ZNF277: variants seen among roughly 807,000 people sequenced by gnomAD.
ZNF277 encodes the protein zinc finger protein 277.
A neutral mutation model predicts 60.7 loss-of-function variants in ZNF277; 55 were observed. The ratio of observed to expected loss-of-function variants is 0.91; its 90% CI spans 0.73 to 1.13. The LOEUF (loss-of-function observed/expected upper bound fraction) is 1.13, where lower values mean the gene tolerates loss of function less well. Ranked by LOEUF, ZNF277 falls within the 50% of genes most tolerant of loss-of-function variation. The pLI, the probability that ZNF277 is intolerant of heterozygous loss-of-function variation, is 0.00. For missense variants in ZNF277, 510 were observed against 523.0 expected, an observed-to-expected ratio of 0.98 and a Z score of 0.24; for synonymous variants, 178 against 179.3, an observed-to-expected ratio of 0.99 and a Z score of 0.06.
intron 4 of ZNF277, among the ~76,000 whole-genome samples, chr7:112,308,534 A>T (rs1417106777): frequency 6.6e-6 from 1 of 152,032 alleles, no homozygotes; most frequent in African/African-American, 2.4e-5. Flanking sequence ...AATTGAAAAA[A>T]TTATGATCAT....
At chr7:112,259,809 T>A (rs745412754) in intron 1 of ZNF277, among the ~76,000 whole-genome samples, 7 of 152,120 alleles carry the variant, frequency 4.6e-5, no homozygotes, top group Non-Finnish European at 7.4e-5. Context: ...AGCATGCTCT[T>A]TCTAGAAAGG....
chr7:112,318,112 C>T, intron 4 of ZNF277, 70 bp from the exon 5 acceptor site: 1 of 1,324,472 alleles, frequency 7.6e-7, no homozygotes, highest in Non-Finnish European at 1.1e-6. Flanking sequence ...TCCTCCCATC[C>T]AGACTTTGAC....
Position 112,243,483 on chromosome 7 carries a change from G to GA in ZNF277, c.91+36688dup, listed in dbSNP as rs570341286. ...ACAAGGAACTCAAACAACTAAACAAGAAAAAAAAAAAACAACCCCATTAAA... is the reference window on the plus strand; with the variant it reads ...ACAAGGAACTCAAACAACTAAACAAGAAAAAAAAAAAAACAACCCCATTAAA... On this transcript the variant is annotated intron_variant, in intron 1 of 11. Coordinates refer to ENST00000361822, the MANE Select transcript of ZNF277 (RefSeq NM_021994.3). 7.0e-3 allele frequency among the ~76,000 whole-genome samples: 707 copies of GA among 100,960 alleles called. 3 individuals carry two copies. The highest frequency in any genetic ancestry group is 0.01 in the Non-Finnish European group (479 of 46,844). 66.2% of individuals were successfully genotyped at this position (100,960 alleles called of 152,430 possible). A position where few individuals can be genotyped will look rare whatever the true frequency, so the allele number is the denominator to read the frequency against.
intron 1 of ZNF277, among the ~76,000 whole-genome samples, chr7:112,226,217 ACTGT>A (rs1390738106): frequency 1.3e-5 from 2 of 152,194 alleles, no homozygotes; most frequent in Non-Finnish European, 2.9e-5. Context: ...AATAGTAATC[ACTGT>A]CGTTCATCTT....
chr7:112,278,351 C>A (rs1215995515), intron 1 of ZNF277, among the ~76,000 whole-genome samples: 1 of 152,112 alleles, frequency 6.6e-6, no homozygotes, highest in Non-Finnish European at 1.5e-5. Context: ...TGATTTAATT[C>A]TTTAAATCTG....
At chr7:112,246,834 G>A (rs1342074638) in intron 1 of ZNF277, among the ~76,000 whole-genome samples, 1 of 152,136 alleles carries the variant, frequency 6.6e-6, no homozygotes, top group Non-Finnish European at 1.5e-5. Context: ...TATTAGAAAG[G>A]CAGAGCAAAC....
At chr7:112,244,419 A>G (rs1791032954) in intron 1 of ZNF277, among the ~76,000 whole-genome samples, 1 of 152,120 alleles carries the variant, frequency 6.6e-6, no homozygotes, top group East Asian at 1.9e-4. Flanking sequence ...TCTCCCTTCT[A>G]GGTTCTCTGC....
intron 9 of ZNF277, 76 bp from the exon 10 acceptor site, chr7:112,339,767 G>T: frequency 7.0e-7 from 1 of 1,432,224 alleles, no homozygotes; most frequent in South Asian, 1.2e-5. Flanking sequence ...AAACTCCTGT[G>T]AATAAGTTGT....
rs118172265 is a variant in ZNF277 at position 112,293,796 on chromosome 7, A to G, written c.294-2073A>G. On this transcript the variant is annotated intron_variant, in intron 2 of 11. Transcript: ENST00000361822. ...TGGAACTAATTATATAGGGCTGACCACTAGTCTCCGTTTTGTCTAGAGGAT... is the reference window on the plus strand; with the variant it reads ...TGGAACTAATTATATAGGGCTGACCGCTAGTCTCCGTTTTGTCTAGAGGAT... Among the ~76,000 whole-genome samples the G allele has an allele frequency of 9.6e-3, 1,463 of 152,208 alleles. 8 individuals are homozygous for G. The highest frequency in any genetic ancestry group is 0.015 in the Non-Finnish European group (1,017 of 68,000).
chr7:112,302,242 A>G (rs1792493338), intron 4 of ZNF277, among the ~76,000 whole-genome samples: 1 of 152,046 alleles, frequency 6.6e-6, no homozygotes, highest in Admixed American at 6.6e-5. Context: ...TTTTAATTCT[A>G]CTTCATGTGT....
chr7:112,290,158 T>A (rs1460403566), intron 2 of ZNF277, among the ~76,000 whole-genome samples: 1 of 152,162 alleles, frequency 6.6e-6, no homozygotes, highest in Non-Finnish European at 1.5e-5. Context: ...TTTTATCATA[T>A]AAACACAAAT....
chr7:112,214,979 ATAT>A (rs2116951781), intron 1 of ZNF277, among the ~76,000 whole-genome samples: 1 of 152,162 alleles, frequency 6.6e-6, no homozygotes, highest in East Asian at 1.9e-4. Context: ...AATGATGTTG[ATAT>A]TATTGGGAGG....
rs1792077090 is a variant in ZNF277, at chr7:112,286,859, T to C, written c.92-14T>C. On this transcript the variant is annotated splice_polypyrimidine_tract_variant and intron_variant, in intron 1 of 11. Transcript: ENST00000361822. The stretch of plus-strand genomic sequence containing the variant: ...TTTCTTTCTTTTTTTTTTTTTTTTT[T>C]TGGTCTATTCCAGACAGTAAGGATT... 7.6e-6 allele frequency: 11 copies of C among 1,445,546 alleles called. No individual in the cohort carries two copies. Among genetic ancestry groups the C allele is most frequent in the Non-Finnish European group, 8.3e-6 (9 of 1,085,324 alleles). 89.5% of individuals were successfully genotyped at this position (1,445,546 alleles called of 1,614,324 possible).
intron 4 of ZNF277, among the ~76,000 whole-genome samples, chr7:112,309,518 G>A (rs1399272570): frequency 1.3e-5 from 2 of 151,876 alleles, no homozygotes; most frequent in Non-Finnish European, 2.9e-5. Context: ...GAGTTTGAGG[G>A]TGTGCTTTGG....
At chr7:112,207,887 G>A (rs1821600107) in intron 1 of ZNF277, among the ~76,000 whole-genome samples, 1 of 152,016 alleles carries the variant, frequency 6.6e-6, no homozygotes, top group South Asian at 2.1e-4. Context: ...AATTATTTTA[G>A]TACCTCTACC....
In ZNF277 at chr7:112,269,397, G is replaced by A. The variant is rs1462656984; in HGVS notation, c.92-17476G>A. On this transcript the variant is annotated intron_variant, in intron 1 of 11. Transcript: ENST00000361822. ...TGGCATTTATGTGTCTGGATTTTGG[G>A]GGGAATAAATTATTCTAGGACAATT... is the stretch of plus-strand genomic sequence containing the variant. 2.6e-5 allele frequency among the ~76,000 whole-genome samples: 4 copies of A among 151,838 alleles called. No individual in the cohort carries two copies. In the East Asian group the frequency reaches 7.7e-4, roughly 29 times the overall value.
chr7:112,268,485 T>C (rs970139726), intron 1 of ZNF277, among the ~76,000 whole-genome samples: 4 of 152,142 alleles, frequency 2.6e-5, no homozygotes, highest in African/African-American at 9.7e-5. Flanking sequence ...TTTTTGTCTT[T>C]TTCTGTTTGC....
At chr7:112,332,173 G>A (rs1004571567) in intron 7 of ZNF277, among the ~76,000 whole-genome samples, 1 of 152,130 alleles carries the variant, frequency 6.6e-6, no homozygotes, top group African/African-American at 2.4e-5. Flanking sequence ...CTTTAACAAC[G>A]TACAAAATGA....
intron 4 of ZNF277, among the ~76,000 whole-genome samples, chr7:112,298,999 G>C (rs1792414393): frequency 6.6e-6 from 1 of 152,150 alleles, no homozygotes; most frequent in Non-Finnish European, 1.5e-5. Flanking sequence ...TCTGTGTAGG[G>C]AGGGGATTCA....
Sources: gnomAD v4.1 joint callset for allele counts (sites outside exome capture counted in the v4.1 genomes callset) on GRCh38, gnomAD v4.1.1 for gene constraint, MANE v1.5 for transcripts, NCBI Gene and HGNC (gene_info 2026-07-23, HGNC 2026-07-21) for gene names.